Variants in TULP4 observed in about 807,000 individuals in gnomAD.
TULP4 encodes the protein tubby-related protein 4.
In TULP4, 16 loss-of-function variants were observed where a neutral mutation model predicts 129.0. The ratio of observed to expected loss-of-function variants is 0.12; its 90% confidence interval spans 0.08 to 0.19. The LOEUF is 0.19. Among genes scored for constraint, TULP4 ranks in the 10% least tolerant of loss-of-function variants. The pLI is 1.00. For synonymous variants in TULP4, 998 were observed against 854.0 expected (o/e 1.17, Z -2.94); for missense variants, 1,842 against 2,059.1 (o/e 0.89, Z 2.04).
Position 158,503,551 on chromosome 6 carries a change from T to C in TULP4, c.3888T>C (p.Pro1296=). Residue 1296 remains proline, a synonymous_variant, in exon 13 of 14, where the codon CCT becomes CCC. Transcript: ENST00000367097. This position sits in a 1 kb window ranked among gnomAD's most constrained non-coding sequence, Gnocchi z 4.3. ...VVEKPLVSPP[P]ADLQSHLGTE... ...AGAAGCCCCTTGTGTCCCCACCACCTGCCGACCTCCAAAGCCACTTGGGCA... is the reference window on the plus strand; with the variant it reads ...AGAAGCCCCTTGTGTCCCCACCACCCGCCGACCTCCAAAGCCACTTGGGCA... The C allele has an allele frequency of 6.2e-7, 1 of 1,613,954 alleles. No homozygotes were observed. The highest frequency in any genetic ancestry group is 8.5e-7 in the Non-Finnish European group (1 of 1,179,994).
At chr6:158,262,710 T>C (rs1778372670) in intron 1 of TULP4, among the ~76,000 whole-genome samples, 1 of 152,138 alleles carries the variant, frequency 6.6e-6, no homozygotes, top group South Asian at 2.1e-4. Context: ...ATGGGATGCA[T>C]GTGCAGATTC....
chr6:158,300,723 A>C (rs1458758402), intron 1 of TULP4, among the ~76,000 whole-genome samples: 1 of 152,238 alleles, frequency 6.6e-6, no homozygotes, highest in Non-Finnish European at 1.5e-5. Flanking sequence ...AAACATGTAC[A>C]TGTGAAATTC....
intron 1 of TULP4, among the ~76,000 whole-genome samples, chr6:158,331,459 CT>C (rs1779876994): frequency 1.3e-5 from 2 of 151,866 alleles, no homozygotes; most frequent in Admixed American, 1.3e-4. Flanking sequence ...GGCTCGTGTC[CT>C]TTTGGTGCAC....
intron 6 of TULP4, among the ~76,000 whole-genome samples, chr6:158,473,330 GT>G: frequency 6.6e-6 from 1 of 152,274 alleles, no homozygotes; most frequent in Non-Finnish European, 1.5e-5. Context: ...TCCTTCATGG[GT>G]CTTGTCTGCT....
At chr6:158,242,924 T>A (rs1485719766) in intron 1 of TULP4, 1 of 181,954 alleles carries the variant, frequency 5.5e-6, no homozygotes, top group Non-Finnish European at 1.1e-5. Flanking sequence ...TAGCTGGGAT[T>A]ACAGGTGCCC....
At chr6:158,454,019 C>CTCA (rs770740499) in intron 5 of TULP4, among the ~76,000 whole-genome samples, 1 of 66,116 alleles carries the variant, frequency 1.5e-5, no homozygotes, top group Non-Finnish European at 2.5e-5. Context: ...TGCCTCTGCA[C>CTCA]CGCCCCCCCC....
chr6:158,480,693 G>GTT (rs58685533), intron 7 of TULP4, among the ~76,000 whole-genome samples: 49,359 of 150,494 alleles, frequency 0.33, 8,774 homozygotes, highest in East Asian at 0.52. Flanking sequence ...CTGTTGGGTT[G>GTT]TTTTTTTTTC....
rs570185731 is a variant in TULP4 at position 158,277,246 on chromosome 6, G to A, written n.69-34805G>A. Among the ~76,000 whole-genome samples the A allele has an allele frequency of 2.0e-5, 3 of 152,242 alleles. No individual in the cohort carries two copies. In the South Asian group the frequency reaches 6.2e-4, roughly 32 times the overall value. On this transcript the variant is annotated intron_variant and non_coding_transcript_variant, in intron 1 of 1. Transcript: ENST00000620026. ...GTGAGCCACCATGCCCAGCCCTACA[G>A]CATCTATTTATGCTAGGTCTGTCTC...
At chr6:158,494,322 T>G (rs1017772429) in intron 10 of TULP4, among the ~76,000 whole-genome samples, 36 of 152,212 alleles carry the variant, frequency 2.4e-4, no homozygotes, top group African/African-American at 8.7e-4. Flanking sequence ...TTTTTGCCCT[T>G]GCATACATAC....
In TULP4 at chr6:158,493,427, A is replaced by T; in HGVS notation, c.1632-146A>T. ...ATTCATAAAGCAAAAGCAAGGGGAGAGCTTTGTTAAATTCGGGCACTGGCT... is the reference window on the plus strand; with the variant it reads ...ATTCATAAAGCAAAAGCAAGGGGAGTGCTTTGTTAAATTCGGGCACTGGCT... On this transcript the variant is annotated intron_variant, in intron 9 of 13. Transcript: ENST00000367097. This position sits in a 1 kb window ranked among gnomAD's most constrained non-coding sequence, Gnocchi z 4.4. 1 of 700,072 alleles carries T rather than the reference A, an allele frequency of 1.4e-6. No homozygotes were observed. The highest frequency in any genetic ancestry group is 2.1e-6 in the Non-Finnish European group (1 of 470,374). 43.4% of individuals were successfully genotyped at this position (700,072 alleles called of 1,614,324 possible). A position where few individuals can be genotyped will look rare whatever the true frequency, so the allele number is the denominator to read the frequency against.
At chr6:158,354,583 G>A (rs911606299) in intron 1 of TULP4, among the ~76,000 whole-genome samples, 5 of 152,188 alleles carry the variant, frequency 3.3e-5, no homozygotes, top group African/African-American at 4.8e-5. Context: ...GCTGACAGAT[G>A]TGAATAAAGA....
At chr6:158,274,479 T>G (rs1487112465) in intron 1 of TULP4, among the ~76,000 whole-genome samples, 4 of 152,080 alleles carry the variant, frequency 2.6e-5, no homozygotes. Context: ...ACATTTCATT[T>G]AAACCTTCCA....
At chr6:158,451,048 G>T (rs1779153298) in intron 4 of TULP4, among the ~76,000 whole-genome samples, 1 of 151,824 alleles carries the variant, frequency 6.6e-6, no homozygotes, top group South Asian at 2.1e-4. Context: ...CTGGGCAACA[G>T]AGCAAGTCTC....
chr6:158,305,324 C>CGCGTGT (rs1554278449), intron 1 of TULP4, among the ~76,000 whole-genome samples: 3 of 141,748 alleles, frequency 2.1e-5, no homozygotes, highest in Admixed American at 7.0e-5. Context: ...ATTCTGTGTG[C>CGCGTGT]GTGTGTGTGT....
chr6:158,298,560 A>C (rs1779078834), intron 1 of TULP4, among the ~76,000 whole-genome samples: 2 of 152,214 alleles, frequency 1.3e-5, no homozygotes, highest in African/African-American at 4.8e-5. Flanking sequence ...CTGGTCTGGC[A>C]CATGGTATCC....
Position 158,335,158 on chromosome 6 carries a change from T to A in TULP4, c.252+20890T>A, listed in dbSNP as rs140451372. On this transcript the variant is annotated intron_variant, in intron 1 of 13. Transcript: ENST00000367097. ...AGAGTGTGGTGGCAGGTGCCTGTAA[T>A]CTCAGCTACTTGGGAGGCTGAGGAA... Among the ~76,000 whole-genome samples the A allele has an allele frequency of 3.4e-3, 518 of 151,682 alleles. 2 individuals carry two copies. The highest frequency in any genetic ancestry group is 0.012 in the African/African-American group (476 of 41,288).
At chr6:158,451,994 C>G in intron 4 of TULP4, 140 bp from the exon 5 acceptor site, 1 of 1,284,962 alleles carries the variant, frequency 7.8e-7, no homozygotes, top group Non-Finnish European at 1.1e-6. Context: ...TAGAATGTTT[C>G]ATTCAGGTAG....
intron 1 of TULP4, among the ~76,000 whole-genome samples, chr6:158,304,841 AT>A (rs1485204156): frequency 6.6e-6 from 1 of 151,444 alleles, no homozygotes; most frequent in African/African-American, 2.4e-5. Context: ...TGATTTTTTT[AT>A]TTTTTGTAAC....
rs769756206 is a variant in TULP4, at chr6:158,481,240, G to C, written c.1437G>C (p.Lys479Asn). ...TCCTCAAAGGGCGGCGCATCAGCAA[G>C]CTGCGGCCAGAGTTCGTCATCATGG... ...VPILKGRRIS[K>N]LRPEFVIMDP... The change falls in exon 8 of 14, where the codon AAG becomes AAC. Residue 479 changes from lysine to asparagine, a missense_variant. By Grantham distance (94) the Lys-to-Asn change is moderately conservative. Transcript: ENST00000367097. The C allele has an allele frequency of 6.2e-7, 1 of 1,614,224 alleles. No individual in the cohort carries two copies. The highest frequency in any genetic ancestry group is 8.5e-7 in the Non-Finnish European group (1 of 1,180,028).
Sources: allele counts gnomAD v4.1 joint callset (sites outside exome capture counted in the v4.1 genomes callset), GRCh38; gene constraint gnomAD v4.1.1; non-coding constraint Gnocchi (gnomAD v3.1); transcripts MANE v1.5; gene names NCBI Gene and HGNC (gene_info 2026-07-23, HGNC 2026-07-21).